Variants in LINGO2 observed in about 807,000 individuals in gnomAD.
LINGO2 encodes the protein leucine-rich repeat and immunoglobulin-like domain-containing nogo receptor-interacting protein 2.
LINGO2 carries 14 observed loss-of-function variants against 30.6 expected under a neutral mutation model. The observed-to-expected ratio is 0.46, with a 90% confidence interval of 0.30 to 0.72. The LOEUF (loss-of-function observed/expected upper bound fraction) is 0.72, where lower values mean the gene tolerates loss of function less well. Among genes scored for constraint, LINGO2 ranks in the 30% least tolerant of loss-of-function variants. LINGO2 has a pLI of 0.07. For missense variants in LINGO2, 729 were observed against 751.7 expected (o/e 0.97, Z 0.35); for synonymous variants, 317 against 288.5 (o/e 1.10, Z -1.00).
intron 4 of LINGO2, among the ~76,000 whole-genome samples, chr9:28,192,765 A>T (rs1054577619): frequency 6.6e-6 from 1 of 152,166 alleles, no homozygotes; most frequent in African/African-American, 2.4e-5. Context: ...CGAGTGGCCA[A>T]TCTGGGTTCT....
At chr9:28,909,552 G>A in the LINGO2 span, among the ~76,000 whole-genome samples, 2 of 151,984 alleles carry the variant, frequency 1.3e-5, no homozygotes, top group South Asian at 2.1e-4. Flanking sequence ...ATGTTCCACT[G>A]ACTCTTGATT....
At chr9:28,881,035 A>G in the LINGO2 span, among the ~76,000 whole-genome samples, 1 of 152,100 alleles carries the variant, frequency 6.6e-6, no homozygotes, top group Admixed American at 6.6e-5. Context: ...TGAAAATAAT[A>G]ATCAATAAAA....
At chr9:28,564,426 G>A (rs1243725808) in intron 1 of LINGO2, among the ~76,000 whole-genome samples, 1 of 152,018 alleles carries the variant, frequency 6.6e-6, no homozygotes, top group Non-Finnish European at 1.5e-5. Context: ...CACTTCACCA[G>A]ACTTACAGGC....
chr9:28,081,423 G>A (rs1052583730), intron 4 of LINGO2, among the ~76,000 whole-genome samples: 1 of 152,022 alleles, frequency 6.6e-6, no homozygotes, highest in African/African-American at 2.4e-5. Context: ...AGGGAAAAAA[G>A]TGCCTAAATT....
chr9:29,207,192 G>A, the LINGO2 span, among the ~76,000 whole-genome samples: 3 of 151,648 alleles, frequency 2.0e-5, no homozygotes, highest in Non-Finnish European at 4.4e-5. Flanking sequence ...GTACATATAC[G>A]TATATATGTA....
intron 5 of LINGO2, among the ~76,000 whole-genome samples, chr9:27,996,587 G>T (rs1423082562): frequency 6.6e-6 from 1 of 152,116 alleles, no homozygotes; most frequent in Non-Finnish European, 1.5e-5. Context: ...TGGAATGGTG[G>T]TTACTAGTGA....
At chr9:28,871,343 A>T in the LINGO2 span, among the ~76,000 whole-genome samples, 2 of 151,510 alleles carry the variant, frequency 1.3e-5, no homozygotes, top group African/African-American at 4.8e-5. Context: ...CATTGAAAAT[A>T]TATATGCATA....
intron 1 of LINGO2, among the ~76,000 whole-genome samples, chr9:28,563,515 T>C (rs1823210764): frequency 6.6e-6 from 1 of 152,132 alleles, no homozygotes; most frequent in Non-Finnish European, 1.5e-5. Flanking sequence ...ATTATAAAAA[T>C]AGAAACACAT....
the LINGO2 span, among the ~76,000 whole-genome samples, chr9:29,213,297 C>T: frequency 0.016 from 2,419 of 152,280 alleles, 68 homozygotes; most frequent in African/African-American, 0.055. Context: ...GCCCCTCCCC[C>T]CTTTCTCCCC....
At chr9:28,587,319 C>A (rs1013013994) in intron 1 of LINGO2, among the ~76,000 whole-genome samples, 1 of 152,120 alleles carries the variant, frequency 6.6e-6, no homozygotes, top group Admixed American at 6.5e-5. Flanking sequence ...TCAGCTAGAG[C>A]AGAAAGGCAT....
At chr9:29,079,736 T>C in the LINGO2 span, among the ~76,000 whole-genome samples, 1,379 of 151,884 alleles carry the variant, frequency 9.1e-3, 27 homozygotes, top group African/African-American at 0.031. Flanking sequence ...CCTACCAAAA[T>C]GAAAGGACAT....
chr9:28,724,546 T>C, the LINGO2 span, among the ~76,000 whole-genome samples: 3 of 152,286 alleles, frequency 2.0e-5, no homozygotes, highest in East Asian at 1.9e-4. Flanking sequence ...ACTGACCTTC[T>C]GGATGGAGCT....
Position 28,414,606 on chromosome 9 carries a change from C to T in LINGO2, c.-278-41738G>A, listed in dbSNP as rs987204234. Among the ~76,000 whole-genome samples the T allele has an allele frequency of 1.3e-4, 19 of 151,910 alleles. 1 individual carries two copies. The highest frequency in any genetic ancestry group is 3.4e-4 in the African/African-American group (14 of 41,358). ...ATTTGTTTAAAACCTTTAGAGTCCCCGAAACTAATAACATGCTGGACTGTT... is the reference window on the plus strand; with the variant it reads ...ATTTGTTTAAAACCTTTAGAGTCCCTGAAACTAATAACATGCTGGACTGTT... On this transcript the variant is annotated intron_variant, in intron 2 of 5. Transcript: ENST00000379992.
intron 4 of LINGO2, among the ~76,000 whole-genome samples, chr9:28,145,038 T>C (rs751448823): frequency 1.2e-4 from 18 of 152,234 alleles, no homozygotes; most frequent in Non-Finnish European, 2.1e-4. Context: ...AGGTGCTTTC[T>C]GGCCATCAAG....
chr9:28,277,440 T>C (rs1225225120), intron 4 of LINGO2, among the ~76,000 whole-genome samples: 2 of 152,112 alleles, frequency 1.3e-5, no homozygotes, highest in African/African-American at 4.8e-5. Flanking sequence ...TTAGGCCAAT[T>C]AGTAACTCTA....
At chr9:27,990,508 C>T (rs754472106) in intron 5 of LINGO2, among the ~76,000 whole-genome samples, 4 of 140,852 alleles carry the variant, frequency 2.8e-5, no homozygotes, top group Non-Finnish European at 6.1e-5. Flanking sequence ...CTTTACCCAT[C>T]GAAGCTTCCA....
At chr9:27,987,647 A>G (rs1427867041) in intron 5 of LINGO2, among the ~76,000 whole-genome samples, 1 of 151,870 alleles carries the variant, frequency 6.6e-6, no homozygotes, top group Non-Finnish European at 1.5e-5. Context: ...ACTGTGGGAG[A>G]AGTGGGGTTG....
At chr9:29,120,374 G>A in the LINGO2 span, among the ~76,000 whole-genome samples, 2 of 151,890 alleles carry the variant, frequency 1.3e-5, no homozygotes, top group East Asian at 3.9e-4. Flanking sequence ...TTTGGGGGAT[G>A]TAGAACCAAA....
the LINGO2 span, among the ~76,000 whole-genome samples, chr9:29,054,110 C>G: frequency 2.0e-5 from 3 of 152,086 alleles, no homozygotes; most frequent in African/African-American, 7.2e-5. Context: ...AAACACACAG[C>G]TCAAATTTAA....
Sources: gnomAD v4.1 joint callset for allele counts (sites outside exome capture counted in the v4.1 genomes callset) on GRCh38, gnomAD v4.1.1 for gene constraint, MANE v1.5 for transcripts, NCBI Gene and HGNC (gene_info 2026-07-23, HGNC 2026-07-21) for gene names.